The following GRM7 variants were observed in gnomAD, a reference collection of about 807,000 sequenced individuals.
GRM7 encodes the protein glutamate metabotropic receptor 7.
In GRM7, 35 loss-of-function variants were observed where a neutral mutation model predicts 84.5. That is an observed-to-expected ratio of 0.41 (90% CI 0.32 to 0.55). The LOEUF (loss-of-function observed/expected upper bound fraction) is 0.55, where lower values mean the gene tolerates loss of function less well. Ranked by LOEUF, GRM7 falls within the 20% of genes least tolerant of loss-of-function variation. The pLI, the probability that GRM7 is intolerant of heterozygous loss-of-function variation, is 0.19. For synonymous variants in GRM7, 487 were observed against 455.1 expected (o/e 1.07, Z -0.89); for missense variants, 1,003 against 1,194.6 (o/e 0.84, Z 2.36).
At chr3:7,366,764 A>G (rs910281976) in intron 4 of GRM7, among the ~76,000 whole-genome samples, 1 of 151,852 alleles carries the variant, frequency 6.6e-6, no homozygotes, top group Non-Finnish European at 1.5e-5. Context: ...CACAGCAACT[A>G]GGATTTCTGT....
chr3:7,610,261 A>G (rs2125078858), intron 8 of GRM7, among the ~76,000 whole-genome samples: 1 of 152,324 alleles, frequency 6.6e-6, no homozygotes, highest in Admixed American at 6.5e-5. Flanking sequence ...AAAGCCACTC[A>G]TGAATTGTCT....
At chr3:7,728,478 A>G (rs1324657184) in intron 9 of GRM7, among the ~76,000 whole-genome samples, 1 of 152,178 alleles carries the variant, frequency 6.6e-6, no homozygotes, top group Admixed American at 6.5e-5. Flanking sequence ...TACTTGACCT[A>G]TGAGGGCCCT....
At chr3:7,690,628 T>A (rs1700763937) in intron 9 of GRM7, among the ~76,000 whole-genome samples, 1 of 152,176 alleles carries the variant, frequency 6.6e-6, no homozygotes, top group South Asian at 2.1e-4. Context: ...CTAAACCCAT[T>A]TATAAACCAA....
At chr3:7,015,355 A>G (rs137894619) in intron 1 of GRM7, among the ~76,000 whole-genome samples, 1 of 152,308 alleles carries the variant, frequency 6.6e-6, no homozygotes, top group African/African-American at 2.4e-5. Context: ...GGATATCGAT[A>G]GATACTTGAT....
intron 5 of GRM7, among the ~76,000 whole-genome samples, chr3:7,451,349 T>C (rs1255701396): frequency 6.6e-6 from 1 of 152,168 alleles, no homozygotes; most frequent in Non-Finnish European, 1.5e-5. Context: ...ATATTGACAG[T>C]GCTATAAGCA....
At chr3:6,944,749 T>C (rs76918951) in intron 1 of GRM7, among the ~76,000 whole-genome samples, 2,997 of 152,242 alleles carry the variant, frequency 0.02, 115 homozygotes, top group African/African-American at 0.069. Flanking sequence ...GTTGAATTGA[T>C]ATTATTTCTG....
chr3:7,421,855 T>C (rs1180843796), intron 5 of GRM7, among the ~76,000 whole-genome samples: 3 of 150,024 alleles, frequency 2.0e-5, no homozygotes, highest in Non-Finnish European at 4.4e-5. Context: ...TTTAATACTG[T>C]ATTTTTAAAA....
chr3:7,019,277 G>A lies in GRM7; in HGVS notation c.520-127175G>A, dbSNP rs1695683879. On this transcript the variant is annotated intron_variant, in intron 1 of 9. Transcript: ENST00000357716. The stretch of plus-strand genomic sequence containing the variant: ...CTCCCATCAGAGTCACACAATGGAT[G>A]AACCTGTATCGATACATCATTATCA... 2.0e-5 allele frequency among the ~76,000 whole-genome samples: 3 copies of A among 152,224 alleles called. No homozygotes were observed. The South Asian group carries it at 6.2e-4, about 32-fold the overall frequency.
chr3:7,139,042 C>G lies in GRM7; in HGVS notation c.520-7410C>G, dbSNP rs902544382. On this transcript the variant is annotated intron_variant, in intron 1 of 9. Coordinates refer to ENST00000357716, the MANE Select transcript of GRM7 (RefSeq NM_000844.4). Reference sequence around the variant, plus strand: ...TATATTACTATATATAGTATATATCCTACTTTATAATATATAGTACATTAT... The same window carrying G: ...TATATTACTATATATAGTATATATCGTACTTTATAATATATAGTACATTAT... Among the ~76,000 whole-genome samples the G allele has an allele frequency of 8.7e-4, 128 of 146,468 alleles. 1 individual carries two copies. Among genetic ancestry groups the G allele is most frequent in the African/African-American group, 3.1e-3 (127 of 40,390 alleles).
At chr3:6,904,966 G>A (rs949479921) in intron 1 of GRM7, among the ~76,000 whole-genome samples, 1 of 152,028 alleles carries the variant, frequency 6.6e-6, no homozygotes, top group African/African-American at 2.4e-5. Flanking sequence ...CAATTCTCCT[G>A]TCCCGGCTGC....
In GRM7 at chr3:6,863,704, G is replaced by A. The variant is rs1694842302; in HGVS notation, c.519+1797G>A. 6.6e-6 allele frequency among the ~76,000 whole-genome samples: 1 copy of A among 152,154 alleles called. No homozygotes were observed. The highest frequency in any genetic ancestry group is 2.1e-4 in the South Asian group (1 of 4,832). On this transcript the variant is annotated intron_variant, in intron 1 of 9. Coordinates refer to ENST00000357716, the MANE Select transcript of GRM7 (RefSeq NM_000844.4). This position sits in a 1 kb window ranked among gnomAD's most constrained non-coding sequence, Gnocchi z 4.8. ...GTAGCAGTGCAGCGGGAGAGGATGA[G>A]GTCAGAGACATTACCTGAGAACCAC...
intron 9 of GRM7, among the ~76,000 whole-genome samples, chr3:7,736,390 G>T (rs1220614975): frequency 1.3e-5 from 2 of 152,118 alleles, no homozygotes; most frequent in East Asian, 1.9e-4. Flanking sequence ...ACATTAGAAA[G>T]CAGAGTCTAT....
At chr3:7,139,709 A>T (rs1693884301) in intron 1 of GRM7, among the ~76,000 whole-genome samples, 1 of 152,018 alleles carries the variant, frequency 6.6e-6, no homozygotes, top group Non-Finnish European at 1.5e-5. Flanking sequence ...TTCATAGGTG[A>T]TGAGTCAGCA....
chr3:7,154,265 A>G (rs1439086238), intron 2 of GRM7, among the ~76,000 whole-genome samples: 1 of 152,158 alleles, frequency 6.6e-6, no homozygotes, highest in Non-Finnish European at 1.5e-5. Context: ...GTCATCACAT[A>G]TTAATGGAGA....
intron 7 of GRM7, among the ~76,000 whole-genome samples, chr3:7,484,264 A>G (rs564519929): frequency 2.3e-4 from 35 of 152,198 alleles, no homozygotes; most frequent in African/African-American, 7.7e-4. Flanking sequence ...GACAGAATAT[A>G]CTCTTCAATG....
chr3:7,330,683 T>C lies in GRM7; in HGVS notation c.1033+24031T>C, dbSNP rs144559469. Among the ~76,000 whole-genome samples, 138 of 152,318 alleles carry C rather than the reference T, an allele frequency of 9.1e-4. 6 individuals carry two copies. In the East Asian group the frequency reaches 0.025, roughly 28 times the overall value. The stretch of plus-strand genomic sequence containing the variant: ...GCCTGCCGCCATGTAAGACATGCAT[T>C]TCACCTTCCACCATGATTCTGAGGC... On this transcript the variant is annotated intron_variant, in intron 4 of 9. Transcript: ENST00000357716.
chr3:6,949,321 G>C (rs28840123), intron 1 of GRM7, among the ~76,000 whole-genome samples: 24,098 of 152,066 alleles, frequency 0.16, 2,366 homozygotes, highest in East Asian at 0.32. Context: ...ATGAAGCTTA[G>C]TTTGGCTGAA....
At chr3:7,122,458 A>G (rs890759446) in intron 1 of GRM7, among the ~76,000 whole-genome samples, 6 of 152,200 alleles carry the variant, frequency 3.9e-5, no homozygotes, top group African/African-American at 1.4e-4. Context: ...TGAAAGATAA[A>G]ATGACTACTA....
intron 2 of GRM7, among the ~76,000 whole-genome samples, chr3:7,248,505 T>C (rs1876615): frequency 0.81 from 123,265 of 152,068 alleles, 50,459 homozygotes; most frequent in East Asian, 0.98. Flanking sequence ...ACAGAAATGC[T>C]TTTTGTCTTC....
Sources: gnomAD v4.1 joint callset for allele counts (sites outside exome capture counted in the v4.1 genomes callset) on GRCh38, gnomAD v4.1.1 for gene constraint, Gnocchi (gnomAD v3.1) non-coding constraint, MANE v1.5 for transcripts, NCBI Gene and HGNC (gene_info 2026-07-23, HGNC 2026-07-21) for gene names.